Variants in FBXO34 observed in about 807,000 individuals in gnomAD.
The protein encoded by FBXO34 is F-box only protein 34.
FBXO34 carries 12 observed loss-of-function variants against 24.5 expected under a neutral mutation model. That is an observed-to-expected ratio of 0.49 (90% CI 0.31 to 0.79). The LOEUF (loss-of-function observed/expected upper bound fraction) is 0.79, where lower values mean the gene tolerates loss of function less well. FBXO34 is among the 30% of genes least tolerant of loss of function. The pLI is 0.04. For synonymous variants in FBXO34, 320 were observed against 311.9 expected (o/e 1.03, Z -0.27); for missense variants, 823 against 857.7 (o/e 0.96, Z 0.51).
chr14:55,363,540 G>GC (rs1294505014), downstream of FBXO34, among the ~76,000 whole-genome samples: 1 of 151,872 alleles, frequency 6.6e-6, no homozygotes, highest in Non-Finnish European at 1.5e-5. Flanking sequence ...TGTTGGTCAG[G>GC]CTGGTCTTGA....
chr14:55,383,686 T>A, the FBXO34 span, among the ~76,000 whole-genome samples: 3 of 151,922 alleles, frequency 2.0e-5, no homozygotes, highest in Non-Finnish European at 4.4e-5. Context: ...GGTGGACTGC[T>A]TGAGCTCACG....
At chr14:55,439,426 A>G in the FBXO34 span, among the ~76,000 whole-genome samples, 2 of 152,046 alleles carry the variant, frequency 1.3e-5, no homozygotes, top group Non-Finnish European at 2.9e-5. Context: ...TTCCCCTGTC[A>G]AAGCAGAAAC....
In FBXO34 at chr14:55,352,626, A is replaced by G; in HGVS notation, c.*100A>G. On this transcript the variant is annotated 3_prime_UTR_variant, in exon 2 of 2. Coordinates refer to ENST00000313833, the MANE Select transcript of FBXO34 (RefSeq NM_017943.4). The stretch of plus-strand genomic sequence containing the variant: ...TAGCCCCCTGAGTCATCACTCTAGA[A>G]GAATCTGTACATCATCAGGACTGCA... The G allele has an allele frequency of 3.1e-6, 3 of 974,234 alleles. No individual in the cohort carries two copies. Among genetic ancestry groups the G allele is most frequent in the Non-Finnish European group, 3.0e-6 (2 of 664,896 alleles). 60.3% of individuals were successfully genotyped at this position (974,234 alleles called of 1,614,324 possible). A position where few individuals can be genotyped will look rare whatever the true frequency, so the allele number is the denominator to read the frequency against.
chr14:55,314,699 GA>G lies in FBXO34; in HGVS notation c.-10-35675del, dbSNP rs372788634. On this transcript the variant is annotated intron_variant, in intron 1 of 1. Transcript: ENST00000313833. ...AAATTGGAGAATACAACAAATGAAA[GA>G]AAAAAACCTTGTTGGAAAAATTTAA... 1.2e-4 allele frequency among the ~76,000 whole-genome samples: 19 copies of G among 152,022 alleles called. 1 individual carries two copies. Among genetic ancestry groups the G allele is most frequent in the African/African-American group, 3.9e-4 (16 of 41,522 alleles).
At chr14:55,380,788 CTG>C in the FBXO34 span, 3 of 727,378 alleles carry the variant, frequency 4.1e-6, no homozygotes, top group Non-Finnish European at 4.3e-6. Context: ...CATGATAGCA[CTG>C]TTACGTTTTA....
chr14:55,397,628 C>T, the FBXO34 span, among the ~76,000 whole-genome samples: 1 of 152,156 alleles, frequency 6.6e-6, no homozygotes, highest in Non-Finnish European at 1.5e-5. Flanking sequence ...AGCTCAAATC[C>T]TCAACTTTAA....
At chr14:55,419,320 A>G in the FBXO34 span, among the ~76,000 whole-genome samples, 6 of 152,248 alleles carry the variant, frequency 3.9e-5, no homozygotes, top group Non-Finnish European at 5.9e-5. Context: ...ACCAGACCCC[A>G]TGTGAAAGTC....
rs1184877887 is a variant in FBXO34, at chr14:55,359,869, C to T, written c.*589-1864C>T. 2.7e-5 allele frequency among the ~76,000 whole-genome samples: 4 copies of T among 148,016 alleles called. No individual in the cohort carries two copies. The East Asian group carries it at 8.0e-4, about 30-fold the overall frequency. On this transcript the variant is annotated intron_variant and NMD_transcript_variant, in intron 3 of 3. Coordinates refer to the FBXO34 transcript ENST00000555280. ...CCACGGTGGGAGGGCTGCTTGAGCCCAGGAGTTCAAGACCAGGCTGGGCAA... is the reference window on the plus strand; with the variant it reads ...CCACGGTGGGAGGGCTGCTTGAGCCTAGGAGTTCAAGACCAGGCTGGGCAA...
At chr14:55,440,746 G>T in the FBXO34 span, 1 of 558,908 alleles carries the variant, frequency 1.8e-6, no homozygotes, top group Non-Finnish European at 3.1e-6. Context: ...TCTGCCCGCA[G>T]CTGGGAAGGG....
At chr14:55,313,275 A>G (rs575161292) in intron 1 of FBXO34, among the ~76,000 whole-genome samples, 3 of 152,298 alleles carry the variant, frequency 2.0e-5, no homozygotes, top group Non-Finnish European at 4.4e-5. Context: ...CCAGTTCTCA[A>G]TAAGTCCTCC....
intron 1 of FBXO34, among the ~76,000 whole-genome samples, chr14:55,273,121 C>T (rs1186350303): frequency 1.3e-5 from 2 of 151,654 alleles, no homozygotes; most frequent in Non-Finnish European, 2.9e-5. Flanking sequence ...TAGCAGGAAG[C>T]TTGGGTAGAA....
the FBXO34 span, chr14:55,378,163 A>G: frequency 2.8e-6 from 3 of 1,074,268 alleles, no homozygotes; most frequent in Non-Finnish European, 4.2e-6. Context: ...TAGGTATAAC[A>G]CATACTCTGT....
the FBXO34 span, among the ~76,000 whole-genome samples, chr14:55,381,063 TC>T: frequency 6.6e-6 from 1 of 151,868 alleles, no homozygotes; most frequent in East Asian, 1.9e-4. Flanking sequence ...AGTCATCCCT[TC>T]CTCTGTACCC....
At chr14:55,390,476 C>G in the FBXO34 span, among the ~76,000 whole-genome samples, 1 of 152,108 alleles carries the variant, frequency 6.6e-6, no homozygotes, top group African/African-American at 2.4e-5. Flanking sequence ...TGGGTTCACA[C>G]CATTCTCCTG....
At chr14:55,308,472 A>G (rs546915229) in intron 1 of FBXO34, among the ~76,000 whole-genome samples, 1 of 152,332 alleles carries the variant, frequency 6.6e-6, no homozygotes, top group African/African-American at 2.4e-5. Context: ...TTTGGTTTTC[A>G]TGTTAAGGTT....
the FBXO34 span, among the ~76,000 whole-genome samples, chr14:55,402,949 ATATATATATATATATATAT>A: frequency 1.3e-5 from 1 of 79,376 alleles, no homozygotes; most frequent in East Asian, 3.5e-4. Flanking sequence ...ATATATATAT[ATATATATATATATATATAT>A]AAATAGCTGG....
intron 1 of FBXO34, among the ~76,000 whole-genome samples, chr14:55,275,890 G>A (rs180843390): frequency 6.6e-6 from 1 of 150,428 alleles, no homozygotes; most frequent in Non-Finnish European, 1.5e-5. Flanking sequence ...TTAGTTAAAG[G>A]TCAATTTAAG....
chr14:55,287,223 A>G (rs1221040798), intron 1 of FBXO34, among the ~76,000 whole-genome samples: 5 of 152,070 alleles, frequency 3.3e-5, no homozygotes, highest in African/African-American at 9.7e-5. Flanking sequence ...CATCTTATAC[A>G]CATAGCCTGA....
At chr14:55,278,861 A>AT in intron 1 of FBXO34, among the ~76,000 whole-genome samples, 1 of 152,224 alleles carries the variant, frequency 6.6e-6, no homozygotes, top group East Asian at 1.9e-4. Flanking sequence ...TAATTTTTAA[A>AT]TTTTTTGTAG....
Sources: allele counts gnomAD v4.1 joint callset (sites outside exome capture counted in the v4.1 genomes callset), GRCh38; gene constraint gnomAD v4.1.1; transcripts MANE v1.5; gene names NCBI Gene and HGNC (gene_info 2026-07-23, HGNC 2026-07-21).